Variants in CMIP observed in about 807,000 individuals in gnomAD.
The protein encoded by CMIP is c-Maf inducing protein.
A neutral mutation model predicts 97.3 loss-of-function variants in CMIP; 13 were observed. The ratio of observed to expected loss-of-function variants is 0.13; its 90% CI spans 0.09 to 0.21. CMIP has a LOEUF of 0.21. Among genes scored for constraint, CMIP ranks in the 10% least tolerant of loss-of-function variants. CMIP has a pLI of 1.00. For missense variants in CMIP, 847 were observed against 1,024.9 expected (o/e 0.83, Z 2.37); for synonymous variants, 538 against 436.3 (o/e 1.23, Z -2.91).
At chr16:81,573,431 T>G (rs1453844568) in intron 1 of CMIP, among the ~76,000 whole-genome samples, 3 of 152,042 alleles carry the variant, frequency 2.0e-5, no homozygotes, top group African/African-American at 7.2e-5. Flanking sequence ...ACCCTTTTAA[T>G]AAGGAAAGGT....
intron 1 of CMIP, among the ~76,000 whole-genome samples, chr16:81,595,431 C>T (rs1021058795): frequency 6.7e-6 from 1 of 150,308 alleles, no homozygotes; most frequent in Non-Finnish European, 1.5e-5. Flanking sequence ...CTCTGTTGCC[C>T]AGGCTGTAGT....
chr16:81,501,637 T>G (rs1597481279), intron 1 of CMIP, among the ~76,000 whole-genome samples: 1 of 142,606 alleles, frequency 7.0e-6, no homozygotes, highest in Non-Finnish European at 1.5e-5. Context: ...TCTGAGACGG[T>G]GTCTCGCTCT....
chr16:81,548,918 T>G (rs1451295765), intron 1 of CMIP, among the ~76,000 whole-genome samples: 1 of 152,148 alleles, frequency 6.6e-6, no homozygotes, highest in Non-Finnish European at 1.5e-5. Flanking sequence ...AACCACTGCT[T>G]TACACATTGA....
At chr16:81,523,993 G>A (rs1484397945) in intron 1 of CMIP, among the ~76,000 whole-genome samples, 1 of 152,246 alleles carries the variant, frequency 6.6e-6, no homozygotes, top group Non-Finnish European at 1.5e-5. Flanking sequence ...GTGTGTATGT[G>A]TGCCCATGGG....
At chr16:81,463,578 C>G (rs1006806219) in intron 1 of CMIP, among the ~76,000 whole-genome samples, 4 of 152,244 alleles carry the variant, frequency 2.6e-5, no homozygotes, top group Non-Finnish European at 2.9e-5. Flanking sequence ...CAAGCCGGCT[C>G]TCTGCCCAGC....
chr16:81,456,057 C>G (rs1242619070), intron 1 of CMIP, among the ~76,000 whole-genome samples: 1 of 152,236 alleles, frequency 6.6e-6, no homozygotes, highest in Non-Finnish European at 1.5e-5. Flanking sequence ...TTGTTGACAT[C>G]TGTTTGTCGC....
rs1346154294 is a variant in CMIP, at chr16:81,693,369, C to T, written c.1482-70C>T. ...GGCCCGTTCTTCCTTGACACCATCC[C>T]CTCCCCTTCCCACACCTCCCACTCA... On this transcript the variant is annotated intron_variant, in intron 12 of 20. Transcript: ENST00000537098. 5 of 1,568,396 alleles carry T rather than the reference C, an allele frequency of 3.2e-6. No homozygotes were observed. In the African/African-American group the frequency reaches 6.8e-5, roughly 21 times the overall value.
At chr16:81,493,618 G>A (rs1396349003) in intron 1 of CMIP, among the ~76,000 whole-genome samples, 1 of 152,244 alleles carries the variant, frequency 6.6e-6, no homozygotes, top group Non-Finnish European at 1.5e-5. Context: ...GCAGTGTGGC[G>A]AGTTAGGTCT....
intron 3 of CMIP, among the ~76,000 whole-genome samples, chr16:81,645,044 C>G (rs986962114): frequency 1.3e-5 from 2 of 152,218 alleles, no homozygotes; most frequent in African/African-American, 2.4e-5. Flanking sequence ...TGTTCTCTGT[C>G]TGCACCACTA....
rs140343191 is a variant in CMIP at position 81,693,317 on chromosome 16, C to G, written c.1482-122C>G. 29 of 1,430,460 alleles carry G rather than the reference C, an allele frequency of 2.0e-5. No individual in the cohort carries two copies. In the African/African-American group the frequency reaches 3.4e-4, roughly 17 times the overall value. 88.6% of individuals were successfully genotyped at this position (1,430,460 alleles called of 1,614,324 possible). ...GGCAGTTCTCTTGAGACACGTGTCC[C>G]TGATCCACCGCCTTGCCCAGCTCCC... On this transcript the variant is annotated intron_variant, in intron 12 of 20. Coordinates refer to ENST00000537098, the MANE Select transcript of CMIP (RefSeq NM_198390.3).
At chr16:81,535,372 T>C (rs2150829683) in intron 1 of CMIP, among the ~76,000 whole-genome samples, 1 of 152,118 alleles carries the variant, frequency 6.6e-6, no homozygotes, top group East Asian at 1.9e-4. Flanking sequence ...ATGCATAAAA[T>C]TCCAGTGTAT....
chr16:81,658,053 A>G (rs2092504972), intron 5 of CMIP, among the ~76,000 whole-genome samples: 3 of 152,242 alleles, frequency 2.0e-5, no homozygotes, highest in South Asian at 4.1e-4. Flanking sequence ...CAAATGTATC[A>G]TAATCGCCTC....
At chr16:81,667,797 AGAGTGT>A (rs1260092309) in intron 7 of CMIP, among the ~76,000 whole-genome samples, 179 of 64,996 alleles carry the variant, frequency 2.8e-3, no homozygotes, top group Middle Eastern at 7.8e-3. Context: ...AGAGAGAGAG[AGAGTGT>A]GTGTGTGTGT....
chr16:81,499,527 A>G (rs928491219), intron 1 of CMIP, among the ~76,000 whole-genome samples: 1 of 152,166 alleles, frequency 6.6e-6, no homozygotes, highest in East Asian at 1.9e-4. Context: ...CTGTCTCCTC[A>G]CCTTAGCATC....
intron 10 of CMIP, among the ~76,000 whole-genome samples, chr16:81,683,425 G>T (rs567388234): frequency 6.6e-6 from 1 of 152,158 alleles, no homozygotes; most frequent in Non-Finnish European, 1.5e-5. Context: ...GGGAGGCAGG[G>T]CCAGGGGACA....
intron 1 of CMIP, among the ~76,000 whole-genome samples, chr16:81,470,450 G>C (rs1042548447): frequency 6.6e-6 from 1 of 152,220 alleles, no homozygotes; most frequent in African/African-American, 2.4e-5. Flanking sequence ...AGATGTTTCA[G>C]AAGTTTGACC....
intron 1 of CMIP, among the ~76,000 whole-genome samples, chr16:81,522,195 C>T (rs1042162819): frequency 6.6e-6 from 1 of 152,320 alleles, no homozygotes; most frequent in South Asian, 2.1e-4. Flanking sequence ...CCACGATGAT[C>T]AGGAGCTCCC....
chr16:81,600,200 C>T (rs1166433125), intron 1 of CMIP, among the ~76,000 whole-genome samples: 2 of 139,096 alleles, frequency 1.4e-5, no homozygotes, highest in African/African-American at 5.4e-5. Flanking sequence ...AATCACTTGA[C>T]GGGAGGCGGA....
chr16:81,615,169 G>A (rs539135495), intron 2 of CMIP, among the ~76,000 whole-genome samples: 2 of 103,566 alleles, frequency 1.9e-5, no homozygotes, highest in East Asian at 5.9e-4. Flanking sequence ...TGTGTGTGGT[G>A]TATGTGGTAC....
Sources: gnomAD v4.1 joint callset for allele counts (sites outside exome capture counted in the v4.1 genomes callset) on GRCh38, gnomAD v4.1.1 for gene constraint, MANE v1.5 for transcripts, NCBI Gene and HGNC (gene_info 2026-07-23, HGNC 2026-07-21) for gene names.